F8: variants seen among roughly 807,000 people sequenced by gnomAD.
The protein encoded by F8 is antihemophilic factor.
In F8, 12 loss-of-function variants were observed where a neutral mutation model predicts 140.6. The ratio of observed to expected loss-of-function variants is 0.09; its 90% CI spans 0.05 to 0.14. F8 has a LOEUF of 0.14. Ranked by LOEUF, F8 falls within the 10% of genes least tolerant of loss-of-function variation. The probability of loss-of-function intolerance (pLI) is 1.00; values close to 1 mark genes in which losing one functional copy is unlikely to be tolerated. For missense variants in F8, 1,354 were observed against 1,720.7 expected (o/e 0.79, Z 3.77); for synonymous variants, 585 against 614.6 (o/e 0.95, Z 0.71).
At chrX:154,993,261 TTTG>T (rs1226840424) in intron 3 of F8, 113 bp from the exon 4 acceptor site, 1,372 of 621,063 alleles carry the variant, frequency 2.2e-3, no homozygotes, top group Non-Finnish European at 2.0e-3. Context: ...TTTCTGCATC[TTTG>T]TTGTTGTTGT....
intron 6 of F8, among the ~76,000 whole-genome samples, chrX:154,973,771 T>C (rs1262223165): frequency 8.9e-6 from 1 of 112,133 alleles, no homozygotes; most frequent in Non-Finnish European, 1.9e-5. Context: ...TCATGTCTTC[T>C]GCAAACAGGG....
chrX:154,981,202 C>T, intron 6 of F8, among the ~76,000 whole-genome samples: 1 of 111,144 alleles, frequency 9.0e-6, no homozygotes, highest in Non-Finnish European at 1.9e-5. Context: ...AACCAATCCC[C>T]TTTATGTGCA....
In F8 at chrX:154,860,466, T is replaced by C; in HGVS notation, c.6866A>G (p.Gln2289Arg). Residue 2289 changes from glutamine (Q) to arginine (R), a missense_variant, in exon 25 of 26, where the codon CAG (glutamine) becomes CGG (arginine). By Grantham distance (43) the Gln-to-Arg change is conservative. Coordinates refer to ENST00000360256, the MANE Select transcript of F8 (RefSeq NM_000132.4). The stretch of plus-strand genomic sequence containing the variant: ...GCCATTCTGAAAAAAGAGAGTCCAC[T>C]GATGGCCATCTTGACTGCTGGAGAT... ...FLISSSQDGH[Q>R]WTLFFQNGKV... The C allele has an allele frequency of 8.3e-7, 1 of 1,211,808 alleles. No individual in the cohort carries two copies. Among genetic ancestry groups the C allele is most frequent in the Middle Eastern group, 2.3e-4 (1 of 4,348 alleles).
intron 14 of F8, among the ~76,000 whole-genome samples, chrX:154,918,357 T>C (rs1325790295): frequency 9.0e-6 from 1 of 111,260 alleles, no homozygotes; most frequent in East Asian, 2.8e-4. Context: ...CTGGGGTTGC[T>C]AGCCCCGCCT....
At chrX:154,964,986 C>G (rs1418805101) in intron 9 of F8, among the ~76,000 whole-genome samples, 1 of 111,796 alleles carries the variant, frequency 8.9e-6, no homozygotes, top group Non-Finnish European at 1.9e-5. Flanking sequence ...TTTACAAATA[C>G]ATAAGCAAAA....
chrX:154,895,610 T>C (rs910093449), intron 22 of F8, among the ~76,000 whole-genome samples: 1 of 111,517 alleles, frequency 9.0e-6, no homozygotes, highest in Non-Finnish European at 1.9e-5. Flanking sequence ...GAGTAGACAA[T>C]AACGCTGAGG....
At chrX:154,881,806 G>A (rs2072863855) in intron 22 of F8, among the ~76,000 whole-genome samples, 1 of 112,844 alleles carries the variant, frequency 8.9e-6, no homozygotes. Flanking sequence ...AATGCCACTT[G>A]TAACTCAACA....
chrX:154,847,907 C>G (rs1159655704), intron 25 of F8, among the ~76,000 whole-genome samples: 1 of 112,804 alleles, frequency 8.9e-6, no homozygotes, highest in Non-Finnish European at 1.9e-5. Flanking sequence ...TTTTCCCCAT[C>G]TTTGTGGTTT....
At position 154,899,977 on chromosome X, in the gene F8, T is replaced by C. The variant is rs781988865; in HGVS notation, c.6188-26A>G. 7 of 1,170,866 alleles carry C rather than the reference T, an allele frequency of 6.0e-6. No homozygotes were observed. The East Asian group carries it at 2.1e-4, about 35-fold the overall frequency. ...CTTTGCCCAAGTAAAGAAACAGAGA[T>C]TAAATTCAGCTGGGTTAGTCCTAGA... On this transcript the variant is annotated intron_variant, in intron 20 of 25. Transcript: ENST00000360256.
intron 20 of F8, among the ~76,000 whole-genome samples, chrX:154,900,161 T>C: frequency 8.9e-6 from 1 of 112,527 alleles, no homozygotes; most frequent in African/African-American, 3.2e-5. Context: ...TATAATTTTG[T>C]TAATTGTTAG....
intron 13 of F8, 130 bp from the exon 14 acceptor site, chrX:154,931,806 G>T: frequency 1.8e-6 from 1 of 562,833 alleles, no homozygotes; most frequent in Non-Finnish European, 2.9e-6. Flanking sequence ...CAGGTCATTG[G>T]GTTAAATCCC....
intron 6 of F8, among the ~76,000 whole-genome samples, chrX:154,981,075 T>G (rs2073516944): frequency 9.0e-6 from 1 of 111,724 alleles, no homozygotes; most frequent in Non-Finnish European, 1.9e-5. Context: ...TTAGTGGAGA[T>G]CCACAGAGGG....
intron 25 of F8, among the ~76,000 whole-genome samples, chrX:154,852,007 C>T (rs1557272181): frequency 9.0e-6 from 1 of 111,690 alleles, no homozygotes; most frequent in East Asian, 2.8e-4. Context: ...AACAATTTAC[C>T]TCTTTGTTTT....
At chrX:154,950,577 A>G (rs182028001) in intron 12 of F8, among the ~76,000 whole-genome samples, 2 of 112,225 alleles carry the variant, frequency 1.8e-5, no homozygotes, top group Admixed American at 9.4e-5. Context: ...AGGGAAAAAT[A>G]GAATATATTA....
intron 1 of F8, among the ~76,000 whole-genome samples, chrX:155,013,062 C>T (rs782066131): frequency 5.1e-5 from 5 of 98,506 alleles, no homozygotes; most frequent in East Asian, 3.3e-4. Context: ...AGGAGAATGG[C>T]GTGAACCCGG....
chrX:154,901,405 A>T lies in F8; in HGVS notation c.6153T>A (p.Ile2051=), dbSNP rs1557275914. ...CTGAAGCTGTAATCTGAAAATCTCT[A>T]ATGTGTCCAGAAGCCATTCCCAGGG... ...QTPLGMASGH[I]RDFQITASGQ... The change falls in exon 20 of 26, where the codon ATT becomes ATA. Residue 2051 remains isoleucine, a synonymous_variant. Transcript: ENST00000360256. The T allele has an allele frequency of 8.3e-7, 1 of 1,201,955 alleles. No homozygotes were observed. The highest frequency in any genetic ancestry group is 3.0e-5 in the East Asian group (1 of 33,837).
intron 6 of F8, among the ~76,000 whole-genome samples, chrX:154,980,883 T>C (rs3861554): frequency 0.51 from 56,458 of 110,975 alleles, 12,547 homozygotes; most frequent in African/African-American, 0.88. Flanking sequence ...GGGAAGACCG[T>C]GTGAGCCCAG....
At chrX:154,936,678 T>C (rs1381718992) in intron 13 of F8, among the ~76,000 whole-genome samples, 2 of 111,859 alleles carry the variant, frequency 1.8e-5, no homozygotes, top group South Asian at 3.7e-4. Context: ...AAGAAACAGA[T>C]AAAATATCAG....
Position 154,966,005 on chromosome X carries a change from G to T in F8, c.1408C>A (p.Pro470Thr). Reference protein sequence around the residue: ...AIQHESGILGPLLYGEVGDTL... With the variant: ...AIQHESGILGTLLYGEVGDTL... ...TCTCCAACTTCCCCATAAAGTAAAG[G>T]TCCCAAGATTCCTGATTCATGCTGA... The change falls in exon 9 of 26, where the codon CCT (proline) becomes ACT (threonine). Residue 470 changes from proline to threonine, a missense_variant. This residue lies in a region of F8 where 252 missense variants were observed against 338.5 expected (regional missense o/e 0.74). Transcript: ENST00000360256. 8.3e-7 allele frequency: 1 copy of T among 1,210,990 alleles called. No individual in the cohort carries two copies. Among genetic ancestry groups the T allele is most frequent in the Non-Finnish European group, 1.1e-6 (1 of 895,143 alleles).
Sources: allele counts gnomAD v4.1 joint callset (sites outside exome capture counted in the v4.1 genomes callset), GRCh38; gene constraint gnomAD v4.1.1; regional missense constraint gnomAD v4.1.1; transcripts MANE v1.5; gene names NCBI Gene and HGNC (gene_info 2026-07-23, HGNC 2026-07-21).